FHIT: variants seen among roughly 807,000 people sequenced by gnomAD.
FHIT encodes the protein fragile histidine triad diadenosine triphosphatase.
In FHIT, 19 loss-of-function variants were observed where a neutral mutation model predicts 17.9. The observed-to-expected ratio is 1.06, with a 90% confidence interval of 0.74 to 1.56. FHIT has a LOEUF of 1.56. FHIT is among the 40% of genes most tolerant of loss of function. FHIT has a pLI of 0.00. For synonymous variants in FHIT, 81 were observed against 69.7 expected (o/e 1.16, Z -0.81); for missense variants, 248 against 189.2 (o/e 1.31, Z -1.82).
chr3:60,335,624 C>T (rs1483330235), intron 5 of FHIT, among the ~76,000 whole-genome samples: 1 of 152,016 alleles, frequency 6.6e-6, no homozygotes, highest in Non-Finnish European at 1.5e-5. Flanking sequence ...TAGCCCAAAT[C>T]GGGTGCTGTG....
intron 8 of FHIT, among the ~76,000 whole-genome samples, chr3:59,765,715 A>G (rs1190772314): frequency 1.3e-5 from 2 of 152,244 alleles, no homozygotes; most frequent in African/African-American, 4.8e-5. Context: ...CATCTACAAC[A>G]ATATGACTGC....
intron 4 of FHIT, among the ~76,000 whole-genome samples, chr3:60,599,230 A>G (rs2038364801): frequency 6.6e-6 from 1 of 152,198 alleles, no homozygotes; most frequent in African/African-American, 2.4e-5. Context: ...GTTAGAACAC[A>G]AAGGGGCTCA....
chr3:60,903,038 C>T (rs948215897), intron 3 of FHIT, among the ~76,000 whole-genome samples: 7 of 152,180 alleles, frequency 4.6e-5, no homozygotes, highest in African/African-American at 1.2e-4. Flanking sequence ...TGTATTTCCT[C>T]ATTTCCAAAA....
intron 3 of FHIT, among the ~76,000 whole-genome samples, chr3:60,876,076 T>C (rs1442032513): frequency 4.6e-5 from 7 of 152,092 alleles, no homozygotes; most frequent in South Asian, 2.1e-4. Flanking sequence ...TTCATAACTT[T>C]ACAGTGATAA....
intron 4 of FHIT, among the ~76,000 whole-genome samples, chr3:60,623,259 C>T (rs2039185459): frequency 6.6e-6 from 1 of 152,162 alleles, no homozygotes; most frequent in South Asian, 2.1e-4. Flanking sequence ...CTTTATTTTC[C>T]ACTGCAAGCA....
At chr3:60,821,708 A>G (rs1701936161) in intron 4 of FHIT, among the ~76,000 whole-genome samples, 1 of 152,214 alleles carries the variant, frequency 6.6e-6, no homozygotes, top group South Asian at 2.1e-4. Flanking sequence ...TTTAACTGAC[A>G]TAATATTTAT....
intron 5 of FHIT, among the ~76,000 whole-genome samples, chr3:60,367,183 T>C (rs1700139989): frequency 6.6e-6 from 1 of 152,196 alleles, no homozygotes; most frequent in Non-Finnish European, 1.5e-5. Context: ...AGAGGATCAG[T>C]GTTTTTAATG....
In FHIT at chr3:60,916,471, G is replaced by A. The variant is rs563787405; in HGVS notation, c.-110-94460C>T. Among the ~76,000 whole-genome samples, 7 of 152,110 alleles carry A rather than the reference G, an allele frequency of 4.6e-5. No homozygotes were observed. The East Asian group carries it at 9.7e-4, about 21-fold the overall frequency. ...GATCCTTTCTCTCTTAAAAAGAGTC[G>A]GGGTAAAAATCACCCATTTTTGCTT... On this transcript the variant is annotated intron_variant, in intron 3 of 9. Transcript: ENST00000492590.
At chr3:61,196,442 A>G (rs2038855875) in intron 2 of FHIT, among the ~76,000 whole-genome samples, 1 of 152,226 alleles carries the variant, frequency 6.6e-6, no homozygotes, top group Non-Finnish European at 1.5e-5. Flanking sequence ...AAAAAAAGAT[A>G]TAATATCTCC....
intron 5 of FHIT, among the ~76,000 whole-genome samples, chr3:60,152,256 GTATC>G (rs1327685831): frequency 1.3e-5 from 2 of 152,280 alleles, no homozygotes; most frequent in African/African-American, 4.8e-5. Context: ...ATAGGAGTAA[GTATC>G]TATTAGCTCG....
chr3:59,768,080 C>T lies in FHIT; in HGVS notation c.349-15759G>A, dbSNP rs566651034. ...TTCTGCCATGTTGGACTAAAAGCCT[C>T]AGTGTTGCTCTACTAAAAAGGTCCC... On this transcript the variant is annotated intron_variant, in intron 8 of 9. Coordinates refer to ENST00000492590, the MANE Select transcript of FHIT (RefSeq NM_002012.4). 5.9e-5 allele frequency among the ~76,000 whole-genome samples: 9 copies of T among 152,308 alleles called. No individual in the cohort carries two copies. The South Asian group carries it at 1.7e-3, about 28-fold the overall frequency.
intron 2 of FHIT, among the ~76,000 whole-genome samples, chr3:61,067,826 A>G (rs1207171877): frequency 6.6e-6 from 1 of 152,242 alleles, no homozygotes; most frequent in Non-Finnish European, 1.5e-5. Flanking sequence ...GCCTTGAGTT[A>G]ACCCTTTACT....
chr3:60,819,523 T>G (rs2106758548), intron 4 of FHIT, among the ~76,000 whole-genome samples: 1 of 152,270 alleles, frequency 6.6e-6, no homozygotes, highest in South Asian at 2.1e-4. Flanking sequence ...CTGCAATAGA[T>G]AATATGCCAC....
At chr3:59,830,735 A>AC (rs1701135164) in intron 8 of FHIT, among the ~76,000 whole-genome samples, 2 of 152,162 alleles carry the variant, frequency 1.3e-5, no homozygotes, top group Admixed American at 1.3e-4. Flanking sequence ...CACCTAGCAG[A>AC]CCCATGAGCA....
intron 5 of FHIT, among the ~76,000 whole-genome samples, chr3:60,492,618 T>A (rs2034114665): frequency 6.6e-6 from 1 of 151,804 alleles, no homozygotes; most frequent in Non-Finnish European, 1.5e-5. Context: ...GCGATTCGCC[T>A]GCCTCAGTCT....
At chr3:61,070,528 T>C (rs59585250) in intron 2 of FHIT, among the ~76,000 whole-genome samples, 5,526 of 152,290 alleles carry the variant, frequency 0.036, 310 homozygotes, top group African/African-American at 0.12. Flanking sequence ...CTAATTCATT[T>C]GTCTTTCTAA....
At chr3:60,267,001 C>T (rs1256471074) in intron 5 of FHIT, among the ~76,000 whole-genome samples, 1 of 151,950 alleles carries the variant, frequency 6.6e-6, no homozygotes, top group Non-Finnish European at 1.5e-5. Context: ...CATTTCAATA[C>T]TGTACTAATA....
chr3:60,027,937 C>A (rs1700822600), intron 5 of FHIT, among the ~76,000 whole-genome samples: 1 of 152,002 alleles, frequency 6.6e-6, no homozygotes, highest in Non-Finnish European at 1.5e-5. Flanking sequence ...TGTAATCAAC[C>A]ATATTTAATT....
chr3:60,658,283 G>A (rs973399549), intron 4 of FHIT, among the ~76,000 whole-genome samples: 1 of 151,982 alleles, frequency 6.6e-6, no homozygotes. Flanking sequence ...CCTTTTTAAG[G>A]CCAACTGATA....
Sources: allele counts gnomAD v4.1 joint callset (sites outside exome capture counted in the v4.1 genomes callset), GRCh38; gene constraint gnomAD v4.1.1; transcripts MANE v1.5; gene names NCBI Gene and HGNC (gene_info 2026-07-23, HGNC 2026-07-21).